The following DPEP1 variants were observed in gnomAD, a reference collection of about 807,000 sequenced individuals.
DPEP1 encodes dipeptidase 1.
Under a neutral mutation model 42.3 loss-of-function variants are expected in DPEP1, and 50 were observed. The observed-to-expected ratio is 1.18, with a 90% CI of 0.94 to 1.50. The LOEUF (loss-of-function observed/expected upper bound fraction) is 1.50. Ranked by LOEUF, DPEP1 falls within the 40% of genes most tolerant of loss-of-function variation. The pLI, the probability that DPEP1 is intolerant of heterozygous loss-of-function variation, is 0.00. For missense variants in DPEP1, 663 were observed against 553.0 expected (o/e 1.20, Z -1.99); for synonymous variants, 297 against 234.0 (o/e 1.27, Z -2.46).
rs1340641674 is a variant in DPEP1, at chr16:89,638,216, C to G, written c.1230C>G (p.Leu410=). 1 of 1,555,478 alleles carries G rather than the reference C, an allele frequency of 6.4e-7. No individual in the cohort carries two copies. Among genetic ancestry groups the G allele is most frequent in the South Asian group, 1.2e-5 (1 of 82,654 alleles). ...CTCCCCTGGTCCTCTGTCTGTCTCT[C>G]CTGTGAAACCTGGGAGACCAGAGTC... ...SLAPLVLCLS[L]L is the part of the protein sequence containing the mutation. Residue 410 remains leucine, a synonymous_variant, in exon 11 of 11, where the codon CTC becomes CTG. Transcript: ENST00000690203.
rs753990570 is a variant in DPEP1, at chr16:89,637,961, C to T, written c.1055C>T (p.Ala352Val). 6.2e-6 allele frequency: 10 copies of T among 1,608,618 alleles called. No individual in the cohort carries two copies. Among genetic ancestry groups the T allele is most frequent in the Non-Finnish European group, 6.8e-6 (8 of 1,178,102 alleles). Residue 352 changes from alanine to valine, a missense_variant, in exon 10 of 11, where the codon GCT becomes GTT. Transcript: ENST00000690203. ...LADNLLRVFE[A>V]VEQASNLTQA... is the part of the protein sequence containing the mutation. The stretch of plus-strand genomic sequence containing the variant: ...GACAACCTGCTGAGGGTCTTCGAGG[C>T]TGTGGAACAGGTGAGGATGGGGTGG...
In DPEP1 at chr16:89,637,227, T is replaced by C. The variant is rs746310050; in HGVS notation, c.615T>C (p.Arg205=). The part of the protein sequence containing the change: ...FGQRVVKELN[R]LGVLIDLAHV... ...AGCGTGTGGTGAAGGAGCTGAACCGTCTGGGGGTCCTCATCGACTTGGCTC... is the reference window on the plus strand; with the variant it reads ...AGCGTGTGGTGAAGGAGCTGAACCGCCTGGGGGTCCTCATCGACTTGGCTC... Residue 205 remains arginine (R), a synonymous_variant, in exon 7 of 11, where the codon CGT becomes CGC. Transcript: ENST00000690203. 5 of 1,612,616 alleles carry C rather than the reference T, an allele frequency of 3.1e-6. No homozygotes were observed. The highest frequency in any genetic ancestry group is 3.4e-6 in the Non-Finnish European group (4 of 1,179,882).
intron 1 of DPEP1, among the ~76,000 whole-genome samples, chr16:89,614,463 A>G (rs1029945579): frequency 2.6e-5 from 4 of 152,172 alleles, no homozygotes; most frequent in African/African-American, 7.2e-5. Flanking sequence ...GTCCGGCCCC[A>G]CAATTTCCTT....
intron 2 of DPEP1, among the ~76,000 whole-genome samples, chr16:89,635,660 G>C (rs1396210972): frequency 6.6e-6 from 1 of 152,216 alleles, no homozygotes; most frequent in Admixed American, 6.5e-5. Context: ...TGGAAGGGAT[G>C]GGCTACCCAG....
chr16:89,635,138 C>T (rs2059656541), intron 2 of DPEP1, among the ~76,000 whole-genome samples: 1 of 84,584 alleles, frequency 1.2e-5, no homozygotes, highest in East Asian at 4.6e-4. Context: ...TTCTCCTTTC[C>T]CTTCCTTCTC....
Position 89,638,096 on chromosome 16 carries a change from G to A in DPEP1, c.1110G>A (p.Leu370=), listed in dbSNP as rs1268906517. 1 of 1,612,306 alleles carries A rather than the reference G, an allele frequency of 6.2e-7. No homozygotes were observed. The highest frequency in any genetic ancestry group is 8.5e-7 in the Non-Finnish European group (1 of 1,179,810). ...CTCCCGAGGAGGAGCCCATCCCGCT[G>A]GACCAGCTGGGTGGCTCCTGCAGGA... ...TQAPEEEPIP[L]DQLGGSCRTH... is the part of the protein sequence containing the mutation. Residue 370 remains leucine (L), a synonymous_variant, in exon 11 of 11, where the codon CTG becomes CTA. Transcript: ENST00000690203.
chr16:89,620,109 G>A lies in DPEP1; in HGVS notation c.-107+6390G>A, dbSNP rs768178061. The stretch of plus-strand genomic sequence containing the variant: ...CACACGCAGACCCTCCTTGGATTTC[G>A]AAAGCCCGTGTGGCTTTGCCAGAGG... On this transcript the variant is annotated intron_variant, in intron 1 of 10. Transcript: ENST00000690203. Among the ~76,000 whole-genome samples, 6 of 151,658 alleles carry A rather than the reference G, an allele frequency of 4.0e-5. No individual in the cohort carries two copies. The East Asian group carries it at 6.0e-4, about 15-fold the overall frequency.
At chr16:89,640,272 G>T (rs1026244817), downstream of DPEP1, among the ~76,000 whole-genome samples, 2 of 152,206 alleles carry the variant, frequency 1.3e-5, no homozygotes, top group Admixed American at 1.3e-4. Context: ...AGGCTCTGTA[G>T]TTCTCCCTCA....
intron 6 of DPEP1, 64 bp from the exon 7 acceptor site, chr16:89,637,140 C>T (rs941213551): frequency 6.4e-7 from 1 of 1,571,088 alleles, no homozygotes; most frequent in Non-Finnish European, 8.6e-7. Context: ...TCTGGTCCAG[C>T]CCGTCCACCT....
chr16:89,614,752 G>C (rs989766316), intron 1 of DPEP1, among the ~76,000 whole-genome samples: 2 of 152,196 alleles, frequency 1.3e-5, no homozygotes, highest in Non-Finnish European at 2.9e-5. Flanking sequence ...CTGAGATCGT[G>C]CCACTGCACT....
chr16:89,630,453 A>G lies in DPEP1; in HGVS notation c.43A>G (p.Thr15Ala), dbSNP rs1258719404. ...WWLWPLVAVC[T>A]ADFFRDEAER... ...GCTGTGGCCCCTTGTGGCCGTCTGCACTGCAGACTTCTTTCGGGACGAGGC... is the reference window on the plus strand; with the variant it reads ...GCTGTGGCCCCTTGTGGCCGTCTGCGCTGCAGACTTCTTTCGGGACGAGGC... The change falls in exon 2 of 11, where the codon ACT (threonine) becomes GCT (alanine). Residue 15 changes from threonine to alanine, a missense_variant. Physicochemically the swap from Thr to Ala is moderately conservative, Grantham distance 58. Transcript: ENST00000690203. 1 of 1,610,960 alleles carries G rather than the reference A, an allele frequency of 6.2e-7. No homozygotes were observed. Among genetic ancestry groups the G allele is most frequent in the Admixed American group, 1.7e-5 (1 of 59,724 alleles).
intron 1 of DPEP1, among the ~76,000 whole-genome samples, chr16:89,616,364 C>T (rs975792605): frequency 6.6e-6 from 1 of 152,118 alleles, no homozygotes; most frequent in South Asian, 2.1e-4. Context: ...GCAGTATGGC[C>T]CAGCCAGCTG....
chr16:89,615,755 G>C (rs1046258163), intron 1 of DPEP1, among the ~76,000 whole-genome samples: 24 of 152,226 alleles, frequency 1.6e-4, no homozygotes, highest in Non-Finnish European at 3.2e-4. Context: ...GGCCACCAGA[G>C]GGCAGGAGCT....
chr16:89,628,022 A>T (rs1224515274), intron 1 of DPEP1, among the ~76,000 whole-genome samples: 1 of 151,774 alleles, frequency 6.6e-6, no homozygotes, highest in Non-Finnish European at 1.5e-5. Flanking sequence ...TCCCGGGTTC[A>T]TGCCATTCTC....
At position 89,614,887 on chromosome 16, in the gene DPEP1, G is replaced by A. The variant is rs188177990; in HGVS notation, c.-107+1168G>A. Among the ~76,000 whole-genome samples the A allele has an allele frequency of 1.2e-3, 179 of 152,330 alleles. 1 individual carries two copies. The highest frequency in any genetic ancestry group is 2.5e-3 in the Admixed American group (39 of 15,302). On this transcript the variant is annotated intron_variant, in intron 1 of 10. Coordinates refer to ENST00000690203, the MANE Select transcript of DPEP1 (RefSeq NM_001389466.1). Reference sequence around the variant, plus strand: ...TGCTAGAGAGAAAGCCTTGGGCACAGGCGGAAGTTGGAGTCTGGAGCTGCG... The same window carrying A: ...TGCTAGAGAGAAAGCCTTGGGCACAAGCGGAAGTTGGAGTCTGGAGCTGCG...
At chr16:89,621,648 G>C (rs529282709) in intron 1 of DPEP1, among the ~76,000 whole-genome samples, 81 of 152,218 alleles carry the variant, frequency 5.3e-4, no homozygotes, top group Admixed American at 9.2e-4. Context: ...CTGAGTGTGG[G>C]CTCCCGTCCC....
At chr16:89,624,680 G>A (rs939014034) in intron 1 of DPEP1, among the ~76,000 whole-genome samples, 1 of 151,958 alleles carries the variant, frequency 6.6e-6, no homozygotes, top group Non-Finnish European at 1.5e-5. Flanking sequence ...GATGACAGGC[G>A]CCCGCAACCA....
At chr16:89,634,296 C>G (rs946465096) in intron 2 of DPEP1, among the ~76,000 whole-genome samples, 2 of 152,014 alleles carry the variant, frequency 1.3e-5, no homozygotes, top group African/African-American at 4.8e-5. Context: ...ACCATGTTAG[C>G]CAGGATGATC....
Position 89,636,694 on chromosome 16 carries a change from C to G in DPEP1, c.521+11C>G, listed in dbSNP as rs758914393. ...CTGCAACACGCCCTGGTGCGTGACTCCCCATGGGAGGCCCCCGGGCTGTGG... is the reference window on the plus strand; with the variant it reads ...CTGCAACACGCCCTGGTGCGTGACTGCCCATGGGAGGCCCCCGGGCTGTGG... On this transcript the variant is annotated intron_variant, in intron 5 of 10. Transcript: ENST00000690203. The G allele has an allele frequency of 2.5e-6, 4 of 1,611,908 alleles. No individual in the cohort carries two copies. Among genetic ancestry groups the G allele is most frequent in the East Asian group, 2.2e-5 (1 of 44,870 alleles).
Sources: gnomAD v4.1 joint callset for allele counts (sites outside exome capture counted in the v4.1 genomes callset) on GRCh38, gnomAD v4.1.1 for gene constraint, MANE v1.5 for transcripts, NCBI Gene and HGNC (gene_info 2026-07-23, HGNC 2026-07-21) for gene names.